The following PARD3 variants were observed in gnomAD, a reference collection of about 807,000 sequenced individuals.
PARD3 encodes the protein par-3 family cell polarity regulator, also known as partitioning defective 3 homolog.
PARD3 carries 75 observed loss-of-function variants against 155.4 expected under a neutral mutation model. That is an observed-to-expected ratio of 0.48 (90% CI 0.40 to 0.58). PARD3 has a LOEUF of 0.58. Ranked by LOEUF, PARD3 falls within the 20% of genes least tolerant of loss-of-function variation. The probability of loss-of-function intolerance (pLI) is 0.00; values close to 1 mark genes in which losing one functional copy is unlikely to be tolerated. For missense variants in PARD3, 1,642 were observed against 1,721.7 expected (o/e 0.95, Z 0.82); for synonymous variants, 576 against 610.5 (o/e 0.94, Z 0.83).
chr10:34,759,823 G>A (rs924844862), intron 1 of PARD3, among the ~76,000 whole-genome samples: 3 of 152,236 alleles, frequency 2.0e-5, no homozygotes, highest in African/African-American at 7.2e-5. Flanking sequence ...TGTGGAATAA[G>A]AGACAAACTG....
At chr10:34,571,552 C>A (rs2134158147) in intron 2 of PARD3, among the ~76,000 whole-genome samples, 1 of 152,232 alleles carries the variant, frequency 6.6e-6, no homozygotes, top group African/African-American at 2.4e-5. Context: ...CATAAAGTCA[C>A]AAGGCTTCCT....
At chr10:34,486,542 C>A (rs574411589) in intron 3 of PARD3, among the ~76,000 whole-genome samples, 46 of 152,290 alleles carry the variant, frequency 3.0e-4, no homozygotes, top group African/African-American at 1.0e-3. Flanking sequence ...ACAAGAAATT[C>A]AGTATGGCTG....
intron 1 of PARD3, among the ~76,000 whole-genome samples, chr10:34,805,542 C>CATATATATAT (rs58820083): frequency 0.052 from 7,280 of 140,456 alleles, 278 homozygotes; most frequent in Non-Finnish European, 0.079. Flanking sequence ...CACGTATGTG[C>CATATATATAT]ATATATATAT....
intron 5 of PARD3, among the ~76,000 whole-genome samples, chr10:34,424,662 G>T (rs1239387225): frequency 1.3e-5 from 2 of 151,866 alleles, no homozygotes; most frequent in African/African-American, 4.8e-5. Context: ...CTACAGGCGC[G>T]CACCACCACG....
Position 34,341,653 on chromosome 10 carries a change from C to T in PARD3, c.2382G>A (p.Lys794=). The change falls in exon 16 of 25, where the codon AAG becomes AAA. Residue 794 remains lysine (K), a synonymous_variant. Coordinates refer to ENST00000374788, the MANE Select transcript of PARD3 (RefSeq NM_001184785.2). ...AGTCGGCTGAATCACTGATTGCAGC[C>T]TTGGCCCAAGTACCAGCATCTGCCG... ...FVTADAGTWA[K]AAISDSADCS... The T allele has an allele frequency of 6.2e-7, 1 of 1,613,440 alleles. No individual in the cohort carries two copies.
chr10:34,292,148 A>G (rs1051592420), intron 20 of PARD3, among the ~76,000 whole-genome samples: 2 of 152,224 alleles, frequency 1.3e-5, no homozygotes, highest in African/African-American at 4.8e-5. Flanking sequence ...AAGCACGTCA[A>G]ACTGCCCAAA....
chr10:34,678,110 G>GAA (rs2093744755), intron 2 of PARD3, among the ~76,000 whole-genome samples: 1 of 151,882 alleles, frequency 6.6e-6, no homozygotes, highest in South Asian at 2.1e-4. Context: ...GTCTCACTCA[G>GAA]TCACCAAGGC....
At chr10:34,218,789 G>GGGGGA in intron 22 of PARD3, among the ~76,000 whole-genome samples, 1 of 151,868 alleles carries the variant, frequency 6.6e-6, no homozygotes, top group Non-Finnish European at 1.5e-5. Context: ...GACATGGCAT[G>GGGGGA]GGGGAGGAGG....
At chr10:34,229,658 G>A (rs1416512542) in intron 22 of PARD3, among the ~76,000 whole-genome samples, 1 of 102,016 alleles carries the variant, frequency 9.8e-6, no homozygotes, top group African/African-American at 4.0e-5. Context: ...CTAGTTGAGG[G>A]TGCGTGTGTG....
chr10:34,312,133 C>T (rs1957732742), intron 20 of PARD3: 1 of 750,216 alleles, frequency 1.3e-6, no homozygotes. Flanking sequence ...ACGTCTCTGC[C>T]TTTTCAAGCG....
chr10:34,309,555 A>C (rs1321501040), intron 20 of PARD3, among the ~76,000 whole-genome samples: 18 of 7,094 alleles, frequency 2.5e-3, no homozygotes, highest in Admixed American at 7.5e-3. Context: ...CTCCAAAAAA[A>C]AAAAAAAAAA....
chr10:34,235,644 G>A (rs1953184354), intron 22 of PARD3, among the ~76,000 whole-genome samples: 1 of 152,192 alleles, frequency 6.6e-6, no homozygotes, highest in Non-Finnish European at 1.5e-5. Context: ...ATGTGTGTGT[G>A]TGAATGTGAC....
intron 20 of PARD3, among the ~76,000 whole-genome samples, chr10:34,316,266 T>C (rs1353612791): frequency 6.6e-6 from 1 of 152,252 alleles, no homozygotes; most frequent in Non-Finnish European, 1.5e-5. Context: ...GCAATCTTTA[T>C]ATTTAACATT....
chr10:34,579,175 C>G (rs570465290), intron 2 of PARD3, among the ~76,000 whole-genome samples: 2 of 151,544 alleles, frequency 1.3e-5, no homozygotes, highest in Non-Finnish European at 2.9e-5. Context: ...GAGGCTGAGG[C>G]AGGAGAATCG....
At chr10:34,658,977 T>C (rs2093254813) in intron 2 of PARD3, among the ~76,000 whole-genome samples, 1 of 152,256 alleles carries the variant, frequency 6.6e-6, no homozygotes, top group Admixed American at 6.5e-5. Flanking sequence ...ATATATATTA[T>C]TTTCAAAGTG....
chr10:34,355,941 A>AAC, intron 14 of PARD3, among the ~76,000 whole-genome samples: 1 of 131,972 alleles, frequency 7.6e-6, no homozygotes, highest in African/African-American at 3.9e-5. Context: ...AAAAAAAAAA[A>AAC]AAAAACAAAA....
chr10:34,380,145 A>T (rs561795119), intron 9 of PARD3, among the ~76,000 whole-genome samples: 1 of 152,240 alleles, frequency 6.6e-6, no homozygotes, highest in East Asian at 1.9e-4. Context: ...TTATTAAAAT[A>T]TATGCATTTA....
At chr10:34,634,970 C>T (rs900611727) in intron 2 of PARD3, among the ~76,000 whole-genome samples, 1 of 152,280 alleles carries the variant, frequency 6.6e-6, no homozygotes, top group East Asian at 1.9e-4. Flanking sequence ...TCATGTCTAG[C>T]GTCCACCTGA....
Position 34,376,547 on chromosome 10 carries a change from G to T in PARD3, c.1539+1420C>A, listed in dbSNP as rs1589361327. ...TCAATTTATAACCCCAGGACAAGTG[G>T]CTTTTTCAGGAAGCAGGACCCTAAC... On this transcript the variant is annotated intron_variant, in intron 10 of 24. Coordinates refer to ENST00000374788, the MANE Select transcript of PARD3 (RefSeq NM_001184785.2). Among the ~76,000 whole-genome samples, 7 of 152,270 alleles carry T rather than the reference G, an allele frequency of 4.6e-5. 1 individual carries two copies. Among genetic ancestry groups the T allele is most frequent in the Admixed American group, 4.6e-4 (7 of 15,282 alleles).
Sources: gnomAD v4.1 joint callset for allele counts (sites outside exome capture counted in the v4.1 genomes callset) on GRCh38, gnomAD v4.1.1 for gene constraint, MANE v1.5 for transcripts, NCBI Gene and HGNC (gene_info 2026-07-23, HGNC 2026-07-21) for gene names.